The following PDE4D variants were observed in gnomAD, a reference collection of about 807,000 sequenced individuals.
The protein encoded by PDE4D is phosphodiesterase 4D.
A neutral mutation model predicts 87.4 loss-of-function variants in PDE4D; 24 were observed. The ratio of observed to expected loss-of-function variants is 0.27; its 90% confidence interval spans 0.20 to 0.39. The LOEUF is 0.39. PDE4D is among the 10% of genes least tolerant of loss of function. PDE4D has a pLI of 1.00. For missense variants in PDE4D, 714 were observed against 1,041.0 expected (o/e 0.69, Z 4.32); for synonymous variants, 384 against 383.2 (o/e 1.00, Z -0.02).
At chr5:60,115,226 G>A (rs2149365916) in intron 2 of PDE4D, among the ~76,000 whole-genome samples, 1 of 152,198 alleles carries the variant, frequency 6.6e-6, no homozygotes, top group Non-Finnish European at 1.5e-5. Context: ...AGCCATCTTT[G>A]TGTGTCACCG....
chr5:59,836,625 T>TCTAA (rs1482783816), intron 1 of PDE4D, among the ~76,000 whole-genome samples: 1 of 144,158 alleles, frequency 6.9e-6, no homozygotes, highest in Non-Finnish European at 1.5e-5. Flanking sequence ...GATGTATCTA[T>TCTAA]CTATCTATCT....
At chr5:59,150,666 A>G (rs1295768128) in intron 5 of PDE4D, among the ~76,000 whole-genome samples, 1 of 152,210 alleles carries the variant, frequency 6.6e-6, no homozygotes. Flanking sequence ...TGGTCTGAAT[A>G]TCTAATCCAA....
chr5:59,990,358 C>T (rs1762880170), intron 2 of PDE4D, among the ~76,000 whole-genome samples: 1 of 152,118 alleles, frequency 6.6e-6, no homozygotes. Context: ...CTCCATAGCT[C>T]TATGCTGTCT....
chr5:60,475,976 C>T (rs936644694), intron 1 of PDE4D, among the ~76,000 whole-genome samples: 5 of 151,952 alleles, frequency 3.3e-5, no homozygotes, highest in Admixed American at 2.6e-4. Flanking sequence ...ACATACTTAC[C>T]AGAGTTATCC....
intron 1 of PDE4D, among the ~76,000 whole-genome samples, chr5:59,500,497 A>G (rs1473599347): frequency 6.6e-6 from 1 of 152,206 alleles, no homozygotes; most frequent in Non-Finnish European, 1.5e-5. Context: ...GTGAATTGAA[A>G]CAGAAACAGA....
chr5:59,136,448 T>C (rs1241198676), intron 5 of PDE4D, among the ~76,000 whole-genome samples: 1 of 152,224 alleles, frequency 6.6e-6, no homozygotes, highest in East Asian at 1.9e-4. Flanking sequence ...TGCAGTGTTA[T>C]TTGTATTAAT....
chr5:59,662,432 C>A (rs1228978868), intron 1 of PDE4D, among the ~76,000 whole-genome samples: 2 of 152,084 alleles, frequency 1.3e-5, no homozygotes, highest in East Asian at 1.9e-4. Flanking sequence ...TTGCACTGAC[C>A]CTGAATATCT....
intron 1 of PDE4D, among the ~76,000 whole-genome samples, chr5:60,298,776 T>C (rs570806626): frequency 1.2e-3 from 176 of 152,218 alleles, no homozygotes; most frequent in Non-Finnish European, 2.1e-3. Context: ...TCATTTTCTA[T>C]ACGACCTTTG....
At chr5:59,249,155 A>G (rs1379368183) in intron 1 of PDE4D, among the ~76,000 whole-genome samples, 1 of 152,128 alleles carries the variant, frequency 6.6e-6, no homozygotes, top group African/African-American at 2.4e-5. Flanking sequence ...ATAGAAAATA[A>G]GCGAAGAGAC....
At chr5:60,163,568 T>C (rs1370390997) in intron 2 of PDE4D, among the ~76,000 whole-genome samples, 1 of 152,178 alleles carries the variant, frequency 6.6e-6, no homozygotes, top group Non-Finnish European at 1.5e-5. Context: ...TTATACAATA[T>C]ATGTTCTCTT....
chr5:59,833,915 G>A (rs182908996), intron 1 of PDE4D, among the ~76,000 whole-genome samples: 1 of 152,146 alleles, frequency 6.6e-6, no homozygotes, highest in East Asian at 1.9e-4. Context: ...ACACACAACA[G>A]AGCCCTAAGT....
At chr5:59,352,276 T>C (rs1305808309) in intron 1 of PDE4D, among the ~76,000 whole-genome samples, 1 of 152,146 alleles carries the variant, frequency 6.6e-6, no homozygotes, top group East Asian at 1.9e-4. Context: ...TTGATACTAA[T>C]TACACTCATC....
At chr5:59,702,704 A>G (rs1752761349) in intron 1 of PDE4D, among the ~76,000 whole-genome samples, 3 of 151,772 alleles carry the variant, frequency 2.0e-5, no homozygotes, top group African/African-American at 4.8e-5. Flanking sequence ...CCTCATCTCT[A>G]CAAAAAATAC....
chr5:60,066,592 TATCATC>T (rs55735827), intron 2 of PDE4D, among the ~76,000 whole-genome samples: 428 of 149,660 alleles, frequency 2.9e-3, no homozygotes, highest in African/African-American at 6.8e-3. Context: ...TAAAGCAAAT[TATCATC>T]ATCATCATCA....
At chr5:59,478,343 G>A (rs557029117) in intron 1 of PDE4D, among the ~76,000 whole-genome samples, 1 of 151,984 alleles carries the variant, frequency 6.6e-6, no homozygotes, top group Admixed American at 6.6e-5. Context: ...GTATGAGCAC[G>A]GATTTGAGGT....
At chr5:59,094,569 C>T (rs1295606193) in intron 5 of PDE4D, among the ~76,000 whole-genome samples, 2 of 151,978 alleles carry the variant, frequency 1.3e-5, no homozygotes, top group Admixed American at 6.6e-5. Flanking sequence ...GATAAAAATG[C>T]AGACCAAGAC....
chr5:59,046,418 G>T (rs1486280811), intron 5 of PDE4D, among the ~76,000 whole-genome samples: 5 of 144,450 alleles, frequency 3.5e-5, no homozygotes, highest in African/African-American at 1.3e-4. Context: ...GAGAGAGAGA[G>T]AATGTGTGTG....
chr5:59,750,945 C>CAAAA lies in PDE4D; in HGVS notation c.455+142219_455+142222dup, dbSNP rs34787047. The stretch of plus-strand genomic sequence containing the variant: ...TGGACAAAAGAGTAAGACCCTGTCT[C>CAAAA]AAAAAAAAAAAAAAAAAAAAAAAGT... On this transcript the variant is annotated intron_variant, in intron 1 of 14. Transcript: ENST00000340635. Among the ~76,000 whole-genome samples the CAAAA allele has an allele frequency of 2.6e-3, 182 of 68,688 alleles. 1 individual carries two copies. The highest frequency in any genetic ancestry group is 7.7e-3 in the African/African-American group (138 of 17,932). The allele number at this position is 68,688 out of a possible 152,430, so 45.1% of individuals were successfully genotyped here.
At chr5:59,151,713 T>A (rs746718075) in intron 5 of PDE4D, among the ~76,000 whole-genome samples, 1 of 152,056 alleles carries the variant, frequency 6.6e-6, no homozygotes, top group Non-Finnish European at 1.5e-5. Flanking sequence ...GGGAGAGAGA[T>A]GGTGCGAAAG....
Sources: allele counts gnomAD v4.1 joint callset (sites outside exome capture counted in the v4.1 genomes callset), GRCh38; gene constraint gnomAD v4.1.1; transcripts MANE v1.5; gene names NCBI Gene and HGNC (gene_info 2026-07-23, HGNC 2026-07-21).